NKAIN2: variants seen among roughly 807,000 people sequenced by gnomAD.
NKAIN2 encodes the protein sodium/potassium-transporting ATPase subunit beta-1-interacting protein 2.
In NKAIN2, 14 loss-of-function variants were observed where a neutral mutation model predicts 32.6. That is an observed-to-expected ratio of 0.43 (90% confidence interval 0.28 to 0.67). The LOEUF is 0.67. Among genes scored for constraint, NKAIN2 ranks in the 30% least tolerant of loss-of-function variants. The pLI is 0.17. For synonymous variants in NKAIN2, 80 were observed against 87.2 expected (o/e 0.92, Z 0.46); for missense variants, 198 against 258.3 (o/e 0.77, Z 1.60).
intron 3 of NKAIN2, among the ~76,000 whole-genome samples, chr6:124,617,148 T>G (rs527515237): frequency 6.6e-6 from 1 of 152,336 alleles, no homozygotes; most frequent in Non-Finnish European, 1.5e-5. Context: ...AAAGAATCAT[T>G]GTAAGAATTG....
intron 1 of NKAIN2, among the ~76,000 whole-genome samples, chr6:124,241,346 C>T (rs1318605054): frequency 6.6e-6 from 1 of 152,074 alleles, no homozygotes; most frequent in East Asian, 1.9e-4. Context: ...CAATGCTATT[C>T]CCATCAAGCT....
At chr6:124,402,275 C>T (rs1011898873) in intron 3 of NKAIN2, among the ~76,000 whole-genome samples, 4 of 151,978 alleles carry the variant, frequency 2.6e-5, no homozygotes, top group East Asian at 1.9e-4. Flanking sequence ...TAATAGAAGT[C>T]GATAAATCTA....
chr6:124,728,752 A>G (rs1776471502), intron 4 of NKAIN2, among the ~76,000 whole-genome samples: 1 of 151,790 alleles, frequency 6.6e-6, no homozygotes, highest in Admixed American at 6.6e-5. Flanking sequence ...CCCTTCAAAA[A>G]ATTAATGAAA....
At chr6:124,027,368 T>C (rs977800926) in intron 1 of NKAIN2, among the ~76,000 whole-genome samples, 4 of 152,108 alleles carry the variant, frequency 2.6e-5, no homozygotes, top group Non-Finnish European at 5.9e-5. Flanking sequence ...CTCTAACTCC[T>C]GACCTCAGGT....
chr6:124,606,268 C>T (rs1782494631), intron 3 of NKAIN2, among the ~76,000 whole-genome samples: 1 of 151,756 alleles, frequency 6.6e-6, no homozygotes. Flanking sequence ...TGACTTTTCT[C>T]AGGAGACTTC....
intron 3 of NKAIN2, among the ~76,000 whole-genome samples, chr6:124,384,813 G>T (rs924306438): frequency 6.6e-6 from 1 of 151,958 alleles, no homozygotes; most frequent in Non-Finnish European, 1.5e-5. Context: ...TTTTTTTGCG[G>T]GGTTTTGCCA....
At chr6:124,295,110 T>G (rs1248850669) in intron 2 of NKAIN2, among the ~76,000 whole-genome samples, 6 of 152,190 alleles carry the variant, frequency 3.9e-5, no homozygotes, top group African/African-American at 1.4e-4. Flanking sequence ...ATGAGATGTC[T>G]TATTTTAATT....
chr6:124,068,246 T>C (rs1350848771), intron 1 of NKAIN2, among the ~76,000 whole-genome samples: 1 of 152,144 alleles, frequency 6.6e-6, no homozygotes, highest in Non-Finnish European at 1.5e-5. Flanking sequence ...TTAGAGAAGA[T>C]GATATAATGT....
chr6:123,822,439 C>G (rs1416528683), intron 1 of NKAIN2, among the ~76,000 whole-genome samples: 3 of 152,000 alleles, frequency 2.0e-5, no homozygotes, highest in African/African-American at 7.3e-5. Flanking sequence ...TTGTGGAATA[C>G]AAGGAAATAA....
chr6:124,440,620 A>G (rs1348246612), intron 3 of NKAIN2, among the ~76,000 whole-genome samples: 1 of 152,098 alleles, frequency 6.6e-6, no homozygotes, highest in Non-Finnish European at 1.5e-5. Flanking sequence ...CAAACTAAGA[A>G]TATGATTCCT....
At chr6:124,643,848 A>ACACTC (rs1248958129) in intron 3 of NKAIN2, among the ~76,000 whole-genome samples, 6 of 152,128 alleles carry the variant, frequency 3.9e-5, no homozygotes, top group African/African-American at 1.2e-4. Flanking sequence ...TGCAACTCTC[A>ACACTC]CACTCCATCT....
chr6:124,378,562 A>G (rs1008821536), intron 3 of NKAIN2, among the ~76,000 whole-genome samples: 10 of 152,166 alleles, frequency 6.6e-5, no homozygotes, highest in African/African-American at 2.2e-4. Context: ...GTTATTCTTA[A>G]GAATTACAAG....
chr6:123,804,216 G>A lies in NKAIN2; in HGVS notation c.16G>A (p.Gly6Ser). 2 of 1,614,088 alleles carry A rather than the reference G, an allele frequency of 1.2e-6. No individual in the cohort carries two copies. The highest frequency in any genetic ancestry group is 2.2e-5 in the East Asian group (1 of 44,852). The change falls in exon 1 of 7, where the codon GGC (glycine) becomes AGC (serine). Residue 6 changes from glycine to serine, a missense_variant. By Grantham distance (56) the Gly-to-Ser change is moderately conservative. Coordinates refer to ENST00000368417, the MANE Select transcript of NKAIN2 (RefSeq NM_001040214.3). MGYCS[G>S]RCTLIFICGM... ...CTCGGAAACCATGGGTTATTGCAGT[G>A]GCAGGTGCACGCTTATCTTTATCTG...
intron 3 of NKAIN2, among the ~76,000 whole-genome samples, chr6:124,358,926 A>C (rs1799129751): frequency 6.6e-6 from 1 of 151,178 alleles, no homozygotes; most frequent in Admixed American, 6.6e-5. Context: ...TAAGTCTTTA[A>C]TCCATCTTGA....
chr6:124,388,618 A>C (rs1234146386), intron 3 of NKAIN2, among the ~76,000 whole-genome samples: 1 of 150,520 alleles, frequency 6.6e-6, no homozygotes, highest in Non-Finnish European at 1.5e-5. Flanking sequence ...AGGGTTCTAT[A>C]TTTTCAAATT....
intron 3 of NKAIN2, among the ~76,000 whole-genome samples, chr6:124,393,033 T>G (rs1773211885): frequency 1.3e-5 from 2 of 152,114 alleles, no homozygotes. Flanking sequence ...AAATACAGTT[T>G]GATCTACATC....
chr6:124,475,635 C>G (rs957617104), intron 3 of NKAIN2, among the ~76,000 whole-genome samples: 2 of 152,120 alleles, frequency 1.3e-5, no homozygotes, highest in East Asian at 3.9e-4. Flanking sequence ...ATGCACAGCT[C>G]TGTAACTAGA....
chr6:124,276,445 C>T (rs1471717842), intron 1 of NKAIN2, among the ~76,000 whole-genome samples: 1 of 151,876 alleles, frequency 6.6e-6, no homozygotes, highest in Non-Finnish European at 1.5e-5. Flanking sequence ...ATCTTTGCTC[C>T]TATTTTACAT....
At chr6:124,253,200 A>C (rs890187944) in intron 1 of NKAIN2, among the ~76,000 whole-genome samples, 19 of 152,156 alleles carry the variant, frequency 1.2e-4, no homozygotes, top group Non-Finnish European at 1.8e-4. Context: ...TCAGTGTGGA[A>C]GCCTTGCACA....
Sources: gnomAD v4.1 joint callset for allele counts (sites outside exome capture counted in the v4.1 genomes callset) on GRCh38, gnomAD v4.1.1 for gene constraint, MANE v1.5 for transcripts, NCBI Gene and HGNC (gene_info 2026-07-23, HGNC 2026-07-21) for gene names.